The following BBS9 variants were observed in gnomAD, a reference collection of about 807,000 sequenced individuals.
BBS9 encodes protein PTHB1.
Under a neutral mutation model 117.7 loss-of-function variants are expected in BBS9, and 89 were observed. That is an observed-to-expected ratio of 0.76 (90% CI 0.64 to 0.90). The LOEUF is 0.90. Among genes scored for constraint, BBS9 ranks in the 40% least tolerant of loss-of-function variants. BBS9 has a pLI of 0.00. For missense variants in BBS9, 982 were observed against 1,042.2 expected (o/e 0.94, Z 0.80); for synonymous variants, 379 against 370.9 (o/e 1.02, Z -0.25).
At chr7:33,295,970 C>T (rs1399904208) in intron 9 of BBS9, among the ~76,000 whole-genome samples, 5 of 151,958 alleles carry the variant, frequency 3.3e-5, no homozygotes, top group Non-Finnish European at 4.4e-5. Flanking sequence ...TATCCAGAAC[C>T]TTCCATGTAA....
chr7:33,432,088 T>C (rs142482032), intron 19 of BBS9, among the ~76,000 whole-genome samples: 1,549 of 151,742 alleles, frequency 0.01, 26 homozygotes, highest in African/African-American at 0.034. Flanking sequence ...TTTCTTTCTT[T>C]CTTTTTTTTT....
intron 9 of BBS9, among the ~76,000 whole-genome samples, chr7:33,290,655 G>A (rs1803861815): frequency 6.6e-6 from 1 of 152,210 alleles, no homozygotes; most frequent in Admixed American, 6.5e-5. Flanking sequence ...ATTTTTTAGT[G>A]TGTGTAGCAT....
intron 5 of BBS9, among the ~76,000 whole-genome samples, chr7:33,188,910 G>A (rs187420566): frequency 5.9e-5 from 9 of 152,232 alleles, no homozygotes; most frequent in South Asian, 2.1e-4. Context: ...ATAAGGGGGG[G>A]AGAAGTCTTT....
intron 5 of BBS9, among the ~76,000 whole-genome samples, chr7:33,208,372 C>T (rs368645233): frequency 7.2e-5 from 11 of 152,272 alleles, no homozygotes; most frequent in African/African-American, 1.4e-4. Context: ...TCTAAGTATT[C>T]GTGTTCCCAG....
chr7:33,434,802 A>T (rs1180824573), intron 19 of BBS9, among the ~76,000 whole-genome samples: 1 of 152,180 alleles, frequency 6.6e-6, no homozygotes, highest in African/African-American at 2.4e-5. Context: ...GCTTATTTGC[A>T]TCTTGAAGAA....
At chr7:33,487,603 G>C (rs1472466360) in intron 19 of BBS9, among the ~76,000 whole-genome samples, 2 of 152,210 alleles carry the variant, frequency 1.3e-5, no homozygotes, top group South Asian at 4.1e-4. Flanking sequence ...TGTGTTCTTT[G>C]CATGATATCA....
chr7:33,515,128 A>C (rs188133221), intron 20 of BBS9, among the ~76,000 whole-genome samples: 73 of 152,290 alleles, frequency 4.8e-4, no homozygotes, highest in African/African-American at 1.7e-3. Context: ...GGAAAAAAAA[A>C]CCAGACACTG....
In BBS9 at chr7:33,605,479, C is replaced by T; in HGVS notation, c.*253C>T. The T allele has an allele frequency of 1.8e-6, 1 of 555,666 alleles. No homozygotes were observed. 34.4% of individuals were successfully genotyped at this position (555,666 alleles called of 1,614,324 possible). On this transcript the variant is annotated 3_prime_UTR_variant, in exon 23 of 23. Transcript: ENST00000242067. Reference sequence around the variant, plus strand: ...GTAGTTGCCTTTGGTCATCCATCTGCTAATAGTCACAGAATACAGTGAAAT... The same window carrying T: ...GTAGTTGCCTTTGGTCATCCATCTGTTAATAGTCACAGAATACAGTGAAAT...
At chr7:33,533,911 AT>A in intron 20 of BBS9, 42 bp from the exon 21 acceptor site, 10 of 1,601,020 alleles carry the variant, frequency 6.2e-6, no homozygotes, top group Non-Finnish European at 8.6e-6. Context: ...CACTTTTCTT[AT>A]TGTCATCTTT....
chr7:33,254,069 T>C (rs975680313), intron 5 of BBS9, among the ~76,000 whole-genome samples: 7 of 152,222 alleles, frequency 4.6e-5, no homozygotes, highest in African/African-American at 1.7e-4. Flanking sequence ...TTTTGAGATA[T>C]ATAGGGCTCA....
intron 9 of BBS9, among the ~76,000 whole-genome samples, chr7:33,301,591 G>A (rs1806457110): frequency 1.3e-5 from 2 of 152,012 alleles, no homozygotes; most frequent in Admixed American, 1.3e-4. Flanking sequence ...GTTGCAAATG[G>A]CAGGATCTCC....
intron 5 of BBS9, among the ~76,000 whole-genome samples, chr7:33,224,792 T>C (rs1020667140): frequency 6.6e-6 from 1 of 152,220 alleles, no homozygotes; most frequent in Non-Finnish European, 1.5e-5. Flanking sequence ...TTTGATTTTT[T>C]TGGCAGTACA....
chr7:33,548,454 G>A (rs1320595821), intron 21 of BBS9, among the ~76,000 whole-genome samples: 3 of 150,274 alleles, frequency 2.0e-5, no homozygotes, highest in East Asian at 4.0e-4. Context: ...CCACTAACTC[G>A]TCATCTAGCA....
intron 19 of BBS9, among the ~76,000 whole-genome samples, chr7:33,485,563 C>T (rs1293280372): frequency 6.6e-6 from 1 of 152,104 alleles, no homozygotes; most frequent in African/African-American, 2.4e-5. Context: ...CCTGCCTCGG[C>T]TTCCCAAAGT....
At chr7:33,597,823 A>G (rs1179606630) in intron 21 of BBS9, among the ~76,000 whole-genome samples, 1 of 151,738 alleles carries the variant, frequency 6.6e-6, no homozygotes, top group Non-Finnish European at 1.5e-5. Context: ...ACCTAAAGCT[A>G]CAGTTCTTTG....
At chr7:33,525,071 C>T (rs964418293) in intron 20 of BBS9, among the ~76,000 whole-genome samples, 1 of 151,858 alleles carries the variant, frequency 6.6e-6, no homozygotes, top group Non-Finnish European at 1.5e-5. Flanking sequence ...GAGTGAGATT[C>T]TTAATCCTGA....
chr7:33,184,532 G>T (rs1226270929), intron 5 of BBS9, among the ~76,000 whole-genome samples: 2 of 152,174 alleles, frequency 1.3e-5, no homozygotes, highest in Non-Finnish European at 2.9e-5. Context: ...ACCCAAATTT[G>T]TCGAGAATCC....
At position 33,342,593 on chromosome 7, in the gene BBS9, C is replaced by T. The variant is rs76169653; in HGVS notation, c.1275+1620C>T. ...TTCCTCTTAAGTAGGTGTCTCTTTC[C>T]AGCTTCATTTTCCCTGTGTTACTAT... is the stretch of plus-strand genomic sequence containing the variant. On this transcript the variant is annotated intron_variant, in intron 11 of 22. Coordinates refer to ENST00000242067, the MANE Select transcript of BBS9 (RefSeq NM_198428.3). 0.021 allele frequency among the ~76,000 whole-genome samples: 3,226 copies of T among 152,132 alleles called. 208 individuals are homozygous for T. In the East Asian group the frequency reaches 0.26, roughly 12 times the overall value.
At position 33,165,011 on chromosome 7, in the gene BBS9, T is replaced by A. The variant is rs936376456; in HGVS notation, c.328+9309T>A. Among the ~76,000 whole-genome samples, 3 of 152,238 alleles carry A rather than the reference T, an allele frequency of 2.0e-5. No individual in the cohort carries two copies. In the East Asian group the frequency reaches 5.8e-4, roughly 29 times the overall value. On this transcript the variant is annotated intron_variant, in intron 4 of 22. Transcript: ENST00000242067. ...TTAGTGCTTCCTTGAGGAGCTCTTG[T>A]AAGGCAGGTCTGGTGGTGACGAAAT... is the stretch of plus-strand genomic sequence containing the variant.
Sources: allele counts gnomAD v4.1 joint callset (sites outside exome capture counted in the v4.1 genomes callset), GRCh38; gene constraint gnomAD v4.1.1; transcripts MANE v1.5; gene names NCBI Gene and HGNC (gene_info 2026-07-23, HGNC 2026-07-21).